Variants in KRTAP19-2 observed in about 807,000 individuals in gnomAD.
KRTAP19-2 encodes the protein keratin associated protein 19-2, also known as keratin-associated protein 19-2.
KRTAP19-2 carries 2 observed loss-of-function variants against 0.3 expected under a neutral mutation model. The observed-to-expected ratio is 6.87, with a 90% CI of 2.81 to 21.61. The LOEUF is 21.61. Ranked by LOEUF, KRTAP19-2 falls within the 30% of genes most tolerant of loss-of-function variation. The pLI is 0.03. For synonymous variants in KRTAP19-2, 31 were observed against 24.6 expected, an observed-to-expected ratio of 1.26 and a Z score of -0.77; for missense variants, 63 against 63.1, an observed-to-expected ratio of 1.00 and a Z score of 0.00.
In KRTAP19-2 at chr21:30,487,425, A is replaced by G; in HGVS notation, c.-77T>C. 2.5e-6 allele frequency: 4 copies of G among 1,608,896 alleles called. No individual in the cohort carries two copies. The highest frequency in any genetic ancestry group is 3.4e-6 in the Non-Finnish European group (4 of 1,176,606). ...GTAGCTCACGGTGTCAGAGATAGTG[A>G]GTTGGGTTTGCTGTCCCAGGCAAGG... On this transcript the variant is annotated 5_prime_UTR_variant, in exon 1 of 1. Transcript: ENST00000334055.
In KRTAP19-2 at chr21:30,487,126, G is replaced by T. The variant is rs985303945; in HGVS notation, c.*64C>A. The stretch of plus-strand genomic sequence containing the variant: ...ACACCTTTACCCCCATTGTATCTTA[G>T]AAGTAAGTAACTTGTTTTTAAATCC... On this transcript the variant is annotated 3_prime_UTR_variant, in exon 1 of 1. Coordinates refer to ENST00000334055, the MANE Select transcript of KRTAP19-2 (RefSeq NM_181608.2). 7 of 1,531,480 alleles carry T rather than the reference G, an allele frequency of 4.6e-6. No homozygotes were observed. The African/African-American group carries it at 8.2e-5, about 18-fold the overall frequency. 94.9% of individuals were successfully genotyped at this position (1,531,480 alleles called of 1,614,324 possible). A position where few individuals can be genotyped will look rare whatever the true frequency, so the allele number is the denominator to read the frequency against.
Position 30,487,111 on chromosome 21 carries a change from C to A in KRTAP19-2, c.*79G>T. 7.0e-7 allele frequency: 1 copy of A among 1,433,168 alleles called. No homozygotes were observed. The allele number at this position is 1,433,168 out of a possible 1,614,324, so 88.8% of individuals were successfully genotyped here. A position where few individuals can be genotyped will look rare whatever the true frequency, so the allele number is the denominator to read the frequency against. ...AGCATTTACACATTTACACCTTTAC[C>A]CCCATTGTATCTTAGAAGTAAGTAA... On this transcript the variant is annotated 3_prime_UTR_variant, in exon 1 of 1. Coordinates refer to ENST00000334055, the MANE Select transcript of KRTAP19-2 (RefSeq NM_181608.2).
In KRTAP19-2 at chr21:30,487,105, C is replaced by A. The variant is rs1031893330; in HGVS notation, c.*85G>T. 7.1e-6 allele frequency: 10 copies of A among 1,412,750 alleles called. No homozygotes were observed. In the African/African-American group the frequency reaches 8.4e-5, roughly 12 times the overall value. The allele number at this position is 1,412,750 out of a possible 1,614,324, so 87.5% of individuals were successfully genotyped here. ...AATGGGAGCATTTACACATTTACAC[C>A]TTTACCCCCATTGTATCTTAGAAGT... On this transcript the variant is annotated 3_prime_UTR_variant, in exon 1 of 1. Coordinates refer to ENST00000334055, the MANE Select transcript of KRTAP19-2 (RefSeq NM_181608.2).
chr21:30,487,116 T>C lies in KRTAP19-2; in HGVS notation c.*74A>G. On this transcript the variant is annotated 3_prime_UTR_variant, in exon 1 of 1. Coordinates refer to ENST00000334055, the MANE Select transcript of KRTAP19-2 (RefSeq NM_181608.2). ...TTACACATTTACACCTTTACCCCCA[T>C]TGTATCTTAGAAGTAAGTAACTTGT... 1 of 1,480,004 alleles carries C rather than the reference T, an allele frequency of 6.8e-7. No individual in the cohort carries two copies. The highest frequency in any genetic ancestry group is 9.4e-7 in the Non-Finnish European group (1 of 1,064,694). 91.7% of individuals were successfully genotyped at this position (1,480,004 alleles called of 1,614,324 possible).
chr21:30,487,416 G>C lies in KRTAP19-2; in HGVS notation c.-68C>G, dbSNP rs1985889077. On this transcript the variant is annotated 5_prime_UTR_variant, in exon 1 of 1. Coordinates refer to ENST00000334055, the MANE Select transcript of KRTAP19-2 (RefSeq NM_181608.2). ...GCTGCCCTAGTAGCTCACGGTGTCA[G>C]AGATAGTGAGTTGGGTTTGCTGTCC... 3.7e-6 allele frequency: 6 copies of C among 1,611,108 alleles called. No individual in the cohort carries two copies. Among genetic ancestry groups the C allele is most frequent in the Non-Finnish European group, 5.1e-6 (6 of 1,178,040 alleles).
At position 30,487,121 on chromosome 21, in the gene KRTAP19-2, T is replaced by C; in HGVS notation, c.*69A>G. The stretch of plus-strand genomic sequence containing the variant: ...CATTTACACCTTTACCCCCATTGTA[T>C]CTTAGAAGTAAGTAACTTGTTTTTA... On this transcript the variant is annotated 3_prime_UTR_variant, in exon 1 of 1. Transcript: ENST00000334055. 1 of 1,503,806 alleles carries C rather than the reference T, an allele frequency of 6.6e-7. No homozygotes were observed. Among genetic ancestry groups the C allele is most frequent in the Non-Finnish European group, 9.2e-7 (1 of 1,084,084 alleles). The allele number at this position is 1,503,806 out of a possible 1,614,324, so 93.2% of individuals were successfully genotyped here.
chr21:30,487,083 G>A lies in KRTAP19-2; in HGVS notation c.*107C>T, dbSNP rs1857888463. ...TTTGGTCAATTTCTCCCTTTGGAATGGGAGCATTTACACATTTACACCTTT... is the reference window on the plus strand; with the variant it reads ...TTTGGTCAATTTCTCCCTTTGGAATAGGAGCATTTACACATTTACACCTTT... On this transcript the variant is annotated 3_prime_UTR_variant, in exon 1 of 1. Transcript: ENST00000334055. 8.3e-7 allele frequency: 1 copy of A among 1,200,408 alleles called. No individual in the cohort carries two copies. Among genetic ancestry groups the A allele is most frequent in the Non-Finnish European group, 1.2e-6 (1 of 840,620 alleles). The allele number at this position is 1,200,408 out of a possible 1,614,324, so 74.4% of individuals were successfully genotyped here. A position where few individuals can be genotyped will look rare whatever the true frequency, so the allele number is the denominator to read the frequency against.
Position 30,487,270 on chromosome 21 carries a change from C to T in KRTAP19-2, c.79G>A (p.Gly27Ser), listed in dbSNP as rs1237471546. 1.2e-6 allele frequency: 2 copies of T among 1,614,128 alleles called. No homozygotes were observed. The highest frequency in any genetic ancestry group is 1.7e-5 in the Admixed American group (1 of 60,016). ...TCTCCACAGCCTCTGTGGCCACAAC[C>T]ATATCTGCATCCTTCATAGCCGCAG... is the stretch of plus-strand genomic sequence containing the variant. ...YGCGYEGCRY[G>S]CGHRGCGDGC... The change falls in exon 1 of 1, where the codon GGT (glycine) becomes AGT (serine). Residue 27 changes from glycine to serine, a missense_variant. Gly to Ser is a moderately conservative substitution (Grantham distance 56). Transcript: ENST00000334055.
At position 30,487,429 on chromosome 21, in the gene KRTAP19-2, G is replaced by A; in HGVS notation, c.-81C>T. Reference sequence around the variant, plus strand: ...CTCACGGTGTCAGAGATAGTGAGTTGGGTTTGCTGTCCCAGGCAAGGTCCT... The same window carrying A: ...CTCACGGTGTCAGAGATAGTGAGTTAGGTTTGCTGTCCCAGGCAAGGTCCT... On this transcript the variant is annotated 5_prime_UTR_variant, in exon 1 of 1. Transcript: ENST00000334055. 6.2e-7 allele frequency: 1 copy of A among 1,606,662 alleles called. No homozygotes were observed. The highest frequency in any genetic ancestry group is 8.5e-7 in the Non-Finnish European group (1 of 1,175,082).
In KRTAP19-2 at chr21:30,487,420, T is replaced by G; in HGVS notation, c.-72A>C. On this transcript the variant is annotated 5_prime_UTR_variant, in exon 1 of 1. Coordinates refer to ENST00000334055, the MANE Select transcript of KRTAP19-2 (RefSeq NM_181608.2). ...CCCTAGTAGCTCACGGTGTCAGAGA[T>G]AGTGAGTTGGGTTTGCTGTCCCAGG... The G allele has an allele frequency of 6.2e-7, 1 of 1,610,454 alleles. No homozygotes were observed. The highest frequency in any genetic ancestry group is 1.1e-5 in the South Asian group (1 of 90,724).
In KRTAP19-2 at chr21:30,487,233, C is replaced by T; in HGVS notation, c.116G>A (p.Cys39Tyr). ...GHRGCGDGCC[C>Y]PSCYRRYRFT... is the part of the protein sequence containing the mutation. ...TCTATATCTTCTGTAGCATGATGGG[C>T]AGCAGCAGCCATCTCCACAGCCTCT... Residue 39 changes from cysteine (C) to tyrosine (Y), a missense_variant, in exon 1 of 1, where the codon TGC becomes TAC. Transcript: ENST00000334055. 6.2e-7 allele frequency: 1 copy of T among 1,614,172 alleles called. No individual in the cohort carries two copies. Among genetic ancestry groups the T allele is most frequent in the Non-Finnish European group, 8.5e-7 (1 of 1,180,038 alleles).
Position 30,487,358 on chromosome 21 carries a change from G to A in KRTAP19-2, c.-10C>T, listed in dbSNP as rs6516970. 0.57 allele frequency: 923,204 copies of A among 1,613,592 alleles called. 266,151 individuals are homozygous for A. The highest frequency in any genetic ancestry group is 0.63 in the Middle Eastern group (3,807 of 6,060). ...CGTAGCCATAGCACATGCCACCAAA[G>A]CCTCCACAGCCATAGCCCAGACCTC... is the stretch of plus-strand genomic sequence containing the variant. On this transcript the variant is annotated 5_prime_UTR_variant, in exon 1 of 1. Coordinates refer to ENST00000334055, the MANE Select transcript of KRTAP19-2 (RefSeq NM_181608.2).
Position 30,487,170 on chromosome 21 carries a change from T to C in KRTAP19-2, c.*20A>G, listed in dbSNP as rs759865771. On this transcript the variant is annotated 3_prime_UTR_variant, in exon 1 of 1. Coordinates refer to ENST00000334055, the MANE Select transcript of KRTAP19-2 (RefSeq NM_181608.2). ...TAAATCCCTTCAAAATAACAGATGC[T>C]GCATCACTAGAGCAGCAGCTTAGTA... is the stretch of plus-strand genomic sequence containing the variant. 26 of 1,611,500 alleles carry C rather than the reference T, an allele frequency of 1.6e-5. 1 individual carries two copies. The South Asian group carries it at 2.7e-4, about 17-fold the overall frequency.
Position 30,487,280 on chromosome 21 carries a change from T to C in KRTAP19-2, c.69A>G (p.Gly23=). The C allele has an allele frequency of 1.2e-6, 2 of 1,614,098 alleles. No homozygotes were observed. Among genetic ancestry groups the C allele is most frequent in the South Asian group, 1.1e-5 (1 of 91,084 alleles). ...CRLGYGCGYE[G]CRYGCGHRGC... is the part of the protein sequence containing the mutation. ...CTCTGTGGCCACAACCATATCTGCATCCTTCATAGCCGCAGCCATAGCCCA... is the reference window on the plus strand; with the variant it reads ...CTCTGTGGCCACAACCATATCTGCACCCTTCATAGCCGCAGCCATAGCCCA... The change falls in exon 1 of 1, where the codon GGA becomes GGG. Residue 23 remains glycine, a synonymous_variant. Coordinates refer to ENST00000334055, the MANE Select transcript of KRTAP19-2 (RefSeq NM_181608.2).
Position 30,487,134 on chromosome 21 carries a change from T to A in KRTAP19-2, c.*56A>T. ...ACCCCCATTGTATCTTAGAAGTAAG[T>A]AACTTGTTTTTAAATCCCTTCAAAA... On this transcript the variant is annotated 3_prime_UTR_variant, in exon 1 of 1. Coordinates refer to ENST00000334055, the MANE Select transcript of KRTAP19-2 (RefSeq NM_181608.2). The A allele has an allele frequency of 1.9e-6, 3 of 1,558,200 alleles. No homozygotes were observed. The highest frequency in any genetic ancestry group is 2.7e-6 in the Non-Finnish European group (3 of 1,130,396).
Position 30,487,199 on chromosome 21 carries a change from G to A in KRTAP19-2, c.150C>T (p.Gly50=). The A allele has an allele frequency of 6.2e-7, 1 of 1,614,084 alleles. No homozygotes were observed. Among genetic ancestry groups the A allele is most frequent in the South Asian group, 1.1e-5 (1 of 91,072 alleles). Reference sequence around the variant, plus strand: ...TCACTAGAGCAGCAGCTTAGTAGAAGCCAGTGAATCTATATCTTCTGTAGC... The same window carrying A: ...TCACTAGAGCAGCAGCTTAGTAGAAACCAGTGAATCTATATCTTCTGTAGC... The part of the protein sequence containing the change: ...PSCYRRYRFT[G]FY Residue 50 remains glycine (G), a synonymous_variant, in exon 1 of 1, where the codon GGC becomes GGT. Transcript: ENST00000334055.
rs1601033929 is a variant in KRTAP19-2 at position 30,487,406 on chromosome 21, C to T, written c.-58G>A. 1.2e-6 allele frequency: 2 copies of T among 1,612,938 alleles called. No homozygotes were observed. The highest frequency in any genetic ancestry group is 4.5e-5 in the East Asian group (2 of 44,868). On this transcript the variant is annotated 5_prime_UTR_variant, in exon 1 of 1. Transcript: ENST00000334055. ...CTCCACAGTAGCTGCCCTAGTAGCT[C>T]ACGGTGTCAGAGATAGTGAGTTGGG... is the stretch of plus-strand genomic sequence containing the variant.
At position 30,487,183 on chromosome 21, in the gene KRTAP19-2, C is replaced by T; in HGVS notation, c.*7G>A. On this transcript the variant is annotated 3_prime_UTR_variant, in exon 1 of 1. Transcript: ENST00000334055. Reference sequence around the variant, plus strand: ...AATAACAGATGCTGCATCACTAGAGCAGCAGCTTAGTAGAAGCCAGTGAAT... The same window carrying T: ...AATAACAGATGCTGCATCACTAGAGTAGCAGCTTAGTAGAAGCCAGTGAAT... The T allele has an allele frequency of 3.1e-6, 5 of 1,612,676 alleles. No individual in the cohort carries two copies. The highest frequency in any genetic ancestry group is 4.2e-6 in the Non-Finnish European group (5 of 1,178,698).
rs959930678 is a variant in KRTAP19-2, at chr21:30,487,408, C to T, written c.-60G>A. 62 of 1,612,496 alleles carry T rather than the reference C, an allele frequency of 3.8e-5. No homozygotes were observed. Among genetic ancestry groups the T allele is most frequent in the Admixed American group, 2.8e-4 (17 of 59,960 alleles). On this transcript the variant is annotated 5_prime_UTR_variant, in exon 1 of 1. It adds an upstream start codon to the 5' untranslated region. Coordinates refer to ENST00000334055, the MANE Select transcript of KRTAP19-2 (RefSeq NM_181608.2). Reference sequence around the variant, plus strand: ...CCACAGTAGCTGCCCTAGTAGCTCACGGTGTCAGAGATAGTGAGTTGGGTT... The same window carrying T: ...CCACAGTAGCTGCCCTAGTAGCTCATGGTGTCAGAGATAGTGAGTTGGGTT...
Sources: gnomAD v4.1 joint callset for allele counts on GRCh38, gnomAD v4.1.1 for gene constraint, MANE v1.5 for transcripts, NCBI Gene and HGNC (gene_info 2026-07-23, HGNC 2026-07-21) for gene names.